The following NXN variants were observed in gnomAD, a reference collection of about 807,000 sequenced individuals.
The protein encoded by NXN is nucleoredoxin, also known as nucleoredoxin 1.
Under a neutral mutation model 48.6 loss-of-function variants are expected in NXN, and 16 were observed. The ratio of observed to expected loss-of-function variants is 0.33; its 90% CI spans 0.22 to 0.50. The LOEUF (loss-of-function observed/expected upper bound fraction) is 0.50, where lower values mean the gene tolerates loss of function less well. Among genes scored for constraint, NXN ranks in the 20% least tolerant of loss-of-function variants. The pLI is 0.98. For synonymous variants in NXN, 281 were observed against 269.6 expected (o/e 1.04, Z -0.41); for missense variants, 492 against 605.5 (o/e 0.81, Z 1.97).
At chr17:891,647 C>T (rs1268058037) in intron 1 of NXN, among the ~76,000 whole-genome samples, 1 of 152,222 alleles carries the variant, frequency 6.6e-6, no homozygotes, top group Non-Finnish European at 1.5e-5. Context: ...AGTTCCATCA[C>T]AGATACATCA....
rs543409374 is a variant in NXN, at chr17:946,323, C to A, written c.360+32996G>T. Reference sequence around the variant, plus strand: ...AGCTGGGATTACAGGCATCTGCTATCGCACCCAGCTAATTTTTGCATTTTT... The same window carrying A: ...AGCTGGGATTACAGGCATCTGCTATAGCACCCAGCTAATTTTTGCATTTTT... On this transcript the variant is annotated intron_variant, in intron 1 of 7. Coordinates refer to ENST00000336868, the MANE Select transcript of NXN (RefSeq NM_022463.5). 2.6e-5 allele frequency among the ~76,000 whole-genome samples: 4 copies of A among 152,254 alleles called. No individual in the cohort carries two copies. The East Asian group carries it at 7.7e-4, about 29-fold the overall frequency.
intron 1 of NXN, among the ~76,000 whole-genome samples, chr17:893,993 CT>C (rs2068452390): frequency 2.2e-5 from 2 of 90,978 alleles, no homozygotes; most frequent in African/African-American, 8.7e-5. Context: ...AGCATCTCAA[CT>C]CCCTGGAAGC....
At chr17:943,813 T>G (rs1038418693) in intron 1 of NXN, among the ~76,000 whole-genome samples, 2 of 149,008 alleles carry the variant, frequency 1.3e-5, no homozygotes, top group Admixed American at 6.7e-5. Flanking sequence ...TGACAGAGTA[T>G]GACTCCGTCT....
intron 1 of NXN, among the ~76,000 whole-genome samples, chr17:852,752 G>A (rs904341304): frequency 3.3e-5 from 5 of 152,266 alleles, no homozygotes; most frequent in East Asian, 1.9e-4. Flanking sequence ...AAGCCTAACC[G>A]TCCTGTCCTT....
intron 1 of NXN, among the ~76,000 whole-genome samples, chr17:975,602 G>A (rs1251584266): frequency 6.6e-6 from 1 of 152,162 alleles, no homozygotes; most frequent in Admixed American, 6.5e-5. Flanking sequence ...TTGTCATGCA[G>A]GAAGTCCTGG....
At chr17:812,188 A>G (rs143143699) in intron 5 of NXN, among the ~76,000 whole-genome samples, 4,853 of 151,800 alleles carry the variant, frequency 0.032, 104 homozygotes, top group Middle Eastern at 0.099. Context: ...CGGCCTCCCA[A>G]AGTGCTGGGA....
chr17:931,463 A>C (rs1039162193), intron 1 of NXN, among the ~76,000 whole-genome samples: 1 of 150,266 alleles, frequency 6.7e-6, no homozygotes, highest in Middle Eastern at 3.4e-3. Context: ...AAAAAAAAAA[A>C]CAAGAAAGAT....
Position 979,721 on chromosome 17 carries a change from C to CA in NXN, c.-44dup, listed in dbSNP as rs2069516256. The CA allele has an allele frequency of 7.7e-7, 1 of 1,299,786 alleles. No homozygotes were observed. The allele number at this position is 1,299,786 out of a possible 1,614,324, so 80.5% of individuals were successfully genotyped here. A position where few individuals can be genotyped will look rare whatever the true frequency, so the allele number is the denominator to read the frequency against. ...CGGGCAGGCGGCTGCGACCCCGCTC[C>CA]ACGGTCCGCGCGGCGGGAGGAGGCG... is the stretch of plus-strand genomic sequence containing the variant. On this transcript the variant is annotated 5_prime_UTR_variant, in exon 1 of 8. Coordinates refer to ENST00000336868, the MANE Select transcript of NXN (RefSeq NM_022463.5).
chr17:887,643 G>A (rs557106501), intron 1 of NXN, among the ~76,000 whole-genome samples: 3 of 152,216 alleles, frequency 2.0e-5, no homozygotes, highest in South Asian at 4.2e-4. Flanking sequence ...CCAATTAAAC[G>A]GGAATGCAGG....
chr17:824,417 A>C (rs1011598209), intron 2 of NXN, among the ~76,000 whole-genome samples: 2 of 152,182 alleles, frequency 1.3e-5, no homozygotes, highest in African/African-American at 4.8e-5. Flanking sequence ...GGGCAACGCA[A>C]AGATGTACGT....
At chr17:942,540 A>G (rs1481361379) in intron 1 of NXN, among the ~76,000 whole-genome samples, 2 of 36,852 alleles carry the variant, frequency 5.4e-5, no homozygotes, top group Non-Finnish European at 9.9e-5. Context: ...CTCACATCAC[A>G]CCTTCCTGGA....
chr17:858,705 G>A (rs1308111195), intron 1 of NXN, among the ~76,000 whole-genome samples: 1 of 151,780 alleles, frequency 6.6e-6, no homozygotes, highest in Non-Finnish European at 1.5e-5. Context: ...CTCCAGCCTG[G>A]GTGACAGAGC....
rs563970973 is a variant in NXN at position 809,483 on chromosome 17, G to C, written c.821-4236C>G. The stretch of plus-strand genomic sequence containing the variant: ...AGACACGGAGTTTTGAAGCAGGTGG[G>C]GGCTGGGGCAAGGAAGCTGAAGGGG... On this transcript the variant is annotated intron_variant, in intron 5 of 7. Coordinates refer to ENST00000336868, the MANE Select transcript of NXN (RefSeq NM_022463.5). Among the ~76,000 whole-genome samples, 6 of 152,280 alleles carry C rather than the reference G, an allele frequency of 3.9e-5. No individual in the cohort carries two copies. In the East Asian group the frequency reaches 7.7e-4, roughly 20 times the overall value.
intron 1 of NXN, among the ~76,000 whole-genome samples, chr17:925,289 G>A (rs953470716): frequency 2.6e-5 from 4 of 152,270 alleles, no homozygotes; most frequent in South Asian, 2.1e-4. Context: ...GTCCAGTGAC[G>A]GGTACAAGGA....
At chr17:805,846 T>C (rs1053283706) in intron 5 of NXN, among the ~76,000 whole-genome samples, 7 of 151,782 alleles carry the variant, frequency 4.6e-5, no homozygotes, top group African/African-American at 1.7e-4. Flanking sequence ...TCTAAACAAA[T>C]AAATAAATAA....
At chr17:927,378 G>A (rs1394371816) in intron 1 of NXN, among the ~76,000 whole-genome samples, 1 of 152,054 alleles carries the variant, frequency 6.6e-6, no homozygotes, top group African/African-American at 2.4e-5. Context: ...GGAGGCCAGG[G>A]CAGGCAGATC....
intron 1 of NXN, among the ~76,000 whole-genome samples, chr17:935,134 G>A (rs1045999859): frequency 1.3e-5 from 2 of 151,912 alleles, no homozygotes; most frequent in Admixed American, 6.6e-5. Context: ...TGGGATCACA[G>A]GTGCATGCAC....
intron 1 of NXN, among the ~76,000 whole-genome samples, chr17:944,537 G>C (rs923835921): frequency 2.0e-5 from 3 of 152,316 alleles, no homozygotes; most frequent in Admixed American, 2.0e-4. Flanking sequence ...CAAATGTAAG[G>C]TAGATTCTGT....
chr17:959,398 G>A (rs549931592), intron 1 of NXN: 26 of 210,638 alleles, frequency 1.2e-4, no homozygotes, highest in Admixed American at 8.9e-4. Context: ...GCGGGAGAAC[G>A]GGCAGGGCGC....
Sources: allele counts gnomAD v4.1 joint callset (sites outside exome capture counted in the v4.1 genomes callset), GRCh38; gene constraint gnomAD v4.1.1; transcripts MANE v1.5; gene names NCBI Gene and HGNC (gene_info 2026-07-23, HGNC 2026-07-21).